The following CALM3 variants were observed in gnomAD, a reference collection of about 807,000 sequenced individuals.
CALM3 encodes calmodulin 3.
A neutral mutation model predicts 20.1 loss-of-function variants in CALM3; 5 were observed. The ratio of observed to expected loss-of-function variants is 0.25; its 90% confidence interval spans 0.13 to 0.52. CALM3 has a LOEUF of 0.52. Ranked by LOEUF, CALM3 falls within the 20% of genes least tolerant of loss-of-function variation. CALM3 has a pLI of 0.96. For missense variants in CALM3, 57 were observed against 192.8 expected, an observed-to-expected ratio of 0.30 and a Z score of 4.17; for synonymous variants, 69 against 68.1, an observed-to-expected ratio of 1.01 and a Z score of -0.06.
rs1040610642 is a variant in CALM3 at position 46,601,653 on chromosome 19, G to A, written c.3+216G>A. On this transcript the variant is annotated intron_variant, in intron 1 of 5. Coordinates refer to ENST00000291295, the MANE Select transcript of CALM3 (RefSeq NM_005184.4). The surrounding 1 kb of genome is among the most constrained non-coding windows in gnomAD (Gnocchi z 4.2). ...CAGAAGCGACTTTAGCACCAAATGG[G>A]ATGTTTAAGTCCACAAATGGGTATC... 1.3e-5 allele frequency among the ~76,000 whole-genome samples: 2 copies of A among 152,210 alleles called. No homozygotes were observed. Among genetic ancestry groups the A allele is most frequent in the African/African-American group, 4.8e-5 (2 of 41,456 alleles).
rs1323580191 is a variant in CALM3, at chr19:46,605,584, C to T, written c.4-243C>T. ...AGCCCGTGGGTCTGGGCAGCTTCAT[C>T]GGGCCGTGCGTCCAGCAGGCCTGAG... On this transcript the variant is annotated intron_variant, in intron 1 of 5. Coordinates refer to ENST00000291295, the MANE Select transcript of CALM3 (RefSeq NM_005184.4). This position sits in a 1 kb window ranked among gnomAD's most constrained non-coding sequence, Gnocchi z 4.1. Among the ~76,000 whole-genome samples the T allele has an allele frequency of 1.3e-5, 2 of 152,246 alleles. No individual in the cohort carries two copies. Among genetic ancestry groups the T allele is most frequent in the African/African-American group, 4.8e-5 (2 of 41,470 alleles).
chr19:46,602,173 G>A lies in CALM3; in HGVS notation c.3+736G>A, dbSNP rs190172960. ...GATACTCTTGAAGGCTTCCGGGACG[G>A]AGAAGGATCAGGGTCGTGGAGGTGG... is the stretch of plus-strand genomic sequence containing the variant. On this transcript the variant is annotated intron_variant, in intron 1 of 5. Transcript: ENST00000291295. 4 of 1,352,096 alleles carry A rather than the reference G, an allele frequency of 3.0e-6. No individual in the cohort carries two copies. In the East Asian group the frequency reaches 1.9e-4, roughly 63 times the overall value. 83.8% of individuals were successfully genotyped at this position (1,352,096 alleles called of 1,614,324 possible).
chr19:46,607,691 C>CGG (rs1331651104), intron 2 of CALM3, among the ~76,000 whole-genome samples: 1 of 152,222 alleles, frequency 6.6e-6, no homozygotes, highest in African/African-American at 2.4e-5. Flanking sequence ...CGGCAAGGAA[C>CGG]AGGGCTGCCA....
rs1192323446 is a variant in CALM3, at chr19:46,608,724, A to C, written c.286-122A>C. ...AGCCTCATTGCCAACCTGCTCTGCCACCTCAGGCAGCCTCCCTCACTGTGC... is the reference window on the plus strand; with the variant it reads ...AGCCTCATTGCCAACCTGCTCTGCCCCCTCAGGCAGCCTCCCTCACTGTGC... On this transcript the variant is annotated intron_variant, in intron 4 of 5. Coordinates refer to ENST00000291295, the MANE Select transcript of CALM3 (RefSeq NM_005184.4). This position sits in a 1 kb window ranked among gnomAD's most constrained non-coding sequence, Gnocchi z 5.5. The C allele has an allele frequency of 9.1e-6, 12 of 1,311,784 alleles. No individual in the cohort carries two copies. The highest frequency in any genetic ancestry group is 1.1e-5 in the Non-Finnish European group (10 of 949,752). 81.3% of individuals were successfully genotyped at this position (1,311,784 alleles called of 1,614,324 possible).
Position 46,608,101 on chromosome 19 carries a change from C to T in CALM3, c.35-96C>T. On this transcript the variant is annotated intron_variant, in intron 2 of 5. Transcript: ENST00000291295. This position sits in a 1 kb window ranked among gnomAD's most constrained non-coding sequence, Gnocchi z 5.5. ...TCAGTTTCTTTAGGTGGGACTGATG[C>T]CCTTGGCCTTCCTCCAGGGAAGGCA... 8.4e-7 allele frequency: 1 copy of T among 1,197,130 alleles called. No homozygotes were observed. The highest frequency in any genetic ancestry group is 2.0e-5 in the Admixed American group (1 of 49,856). 74.2% of individuals were successfully genotyped at this position (1,197,130 alleles called of 1,614,324 possible). A position where few individuals can be genotyped will look rare whatever the true frequency, so the allele number is the denominator to read the frequency against.
upstream of CALM3, chr19:46,601,075 C>T: frequency 1.6e-6 from 2 of 1,232,208 alleles, no homozygotes; most frequent in Non-Finnish European, 2.2e-6. The surrounding 1 kb of genome is among the most constrained non-coding windows in gnomAD (Gnocchi z 4.2). Context: ...GCGGGGCGCG[C>T]GGCGAGGGAA....
Position 46,610,750 on chromosome 19 carries a change from A to G in CALM3, c.*1597A>G, listed in dbSNP as rs1415987356. 6.6e-6 allele frequency: 1 copy of G among 152,342 alleles called. No individual in the cohort carries two copies. 9.4% of individuals were successfully genotyped at this position (152,342 alleles called of 1,614,324 possible). A position where few individuals can be genotyped will look rare whatever the true frequency, so the allele number is the denominator to read the frequency against. On this transcript the variant is annotated 3_prime_UTR_variant, in exon 6 of 6. Transcript: ENST00000291295. ...CAAGCTGTGAAGAAAAATATATATCAATGTTTTCCAATAAAATACAGTGAC... is the reference window on the plus strand; with the variant it reads ...CAAGCTGTGAAGAAAAATATATATCGATGTTTTCCAATAAAATACAGTGAC...
intron 1 of CALM3, among the ~76,000 whole-genome samples, chr19:46,603,719 A>G (rs906112870): frequency 6.6e-6 from 1 of 152,200 alleles, no homozygotes; most frequent in African/African-American, 2.4e-5. Context: ...CTGGGCGGCA[A>G]CCTTGCTTGA....
rs1007778611 is a variant in CALM3 at position 46,609,067 on chromosome 19, G to A, written c.422-58G>A. 4 of 1,612,844 alleles carry A rather than the reference G, an allele frequency of 2.5e-6. No individual in the cohort carries two copies. The Middle Eastern group carries it at 5.0e-4, about 200-fold the overall frequency. ...CCCCCAGATCCCTCTTGTTGGGGAG[G>A]GCCGCTCGCCACTTAGCCTGCCCGC... On this transcript the variant is annotated intron_variant, in intron 5 of 5. Transcript: ENST00000291295.
intron 5 of CALM3, 54 bp downstream of exon 5, chr19:46,609,035 G>GAAC: frequency 1.9e-6 from 3 of 1,610,320 alleles, no homozygotes; most frequent in Non-Finnish European, 2.5e-6. Flanking sequence ...GCAGCTTCAG[G>GAAC]AACAAGCCCC....
intron 1 of CALM3, among the ~76,000 whole-genome samples, chr19:46,604,531 G>A (rs1599755326): frequency 7.0e-6 from 1 of 143,642 alleles, no homozygotes; most frequent in Non-Finnish European, 1.5e-5. Flanking sequence ...GGGCTTGCAA[G>A]TTCTTCTTCC....
chr19:46,607,331 G>A (rs1174610806), intron 2 of CALM3, among the ~76,000 whole-genome samples: 1 of 152,102 alleles, frequency 6.6e-6, no homozygotes, highest in Non-Finnish European at 1.5e-5. Flanking sequence ...TTTTCACCCT[G>A]TCCCCATTAG....
intron 1 of CALM3, among the ~76,000 whole-genome samples, chr19:46,602,988 G>C (rs1971665564): frequency 6.6e-6 from 1 of 152,210 alleles, no homozygotes; most frequent in African/African-American, 2.4e-5. Flanking sequence ...CGGCCTGAGG[G>C]CCACTTGTTC....
rs761456118 is a variant in CALM3 at position 46,608,356 on chromosome 19, C to G, written c.178+16C>G. 3.7e-6 allele frequency: 6 copies of G among 1,613,370 alleles called. No homozygotes were observed. Among genetic ancestry groups the G allele is most frequent in the Non-Finnish European group, 5.1e-6 (6 of 1,179,580 alleles). On this transcript the variant is annotated intron_variant, in intron 3 of 5. Coordinates refer to ENST00000291295, the MANE Select transcript of CALM3 (RefSeq NM_005184.4). This position sits in a 1 kb window ranked among gnomAD's most constrained non-coding sequence, Gnocchi z 5.5. ...GATGCAGATGGTGAGCCCCACAGAG[C>G]GCGTGGGCAGCCCTGCTCCTGGTCA...
rs1971857870 is a variant in CALM3, at chr19:46,610,450, A to G, written c.*1297A>G. ...TTTTTTCCCCTTTTCTGTTCATTTC[A>G]TCTGGCTCCCCCCACCACCTCCCCA... On this transcript the variant is annotated 3_prime_UTR_variant, in exon 6 of 6. Transcript: ENST00000291295. 1 of 150,704 alleles carries G rather than the reference A, an allele frequency of 6.6e-6. No homozygotes were observed. Among genetic ancestry groups the G allele is most frequent in the African/African-American group, 2.4e-5 (1 of 40,846 alleles). The allele number at this position is 150,704 out of a possible 1,614,324, so 9.3% of individuals were successfully genotyped here. A position where few individuals can be genotyped will look rare whatever the true frequency, so the allele number is the denominator to read the frequency against.
chr19:46,601,100 G>T (rs1449531999), upstream of CALM3: 4 of 969,504 alleles, frequency 4.1e-6, no homozygotes, highest in Non-Finnish European at 6.0e-6. The surrounding 1 kb of genome is among the most constrained non-coding windows in gnomAD (Gnocchi z 4.2). Flanking sequence ...GTCCGGCGAC[G>T]GGAGCGAGCG....
chr19:46,609,215 C>T lies in CALM3; in HGVS notation c.*62C>T, dbSNP rs1460217874. 6.7e-7 allele frequency: 1 copy of T among 1,485,058 alleles called. No individual in the cohort carries two copies. The highest frequency in any genetic ancestry group is 1.2e-5 in the South Asian group (1 of 86,386). 92.0% of individuals were successfully genotyped at this position (1,485,058 alleles called of 1,614,324 possible). ...ATCTCTCTCTTCTCGCGCGCGCACT[C>T]TCTCTTCAACACTCCCCTGCGTACC... On this transcript the variant is annotated 3_prime_UTR_variant, in exon 6 of 6. Coordinates refer to ENST00000291295, the MANE Select transcript of CALM3 (RefSeq NM_005184.4).
At position 46,608,177 on chromosome 19, in the gene CALM3, C is replaced by T; in HGVS notation, c.35-20C>T. ...CCTGTGGACCTTGTGACCTCTGACT[C>T]CTCCCCCTTCTTCCCCCAGAGTTCA... On this transcript the variant is annotated intron_variant, in intron 2 of 5. Transcript: ENST00000291295. This position sits in a 1 kb window ranked among gnomAD's most constrained non-coding sequence, Gnocchi z 5.5. The T allele has an allele frequency of 1.2e-6, 2 of 1,610,576 alleles. No homozygotes were observed. The highest frequency in any genetic ancestry group is 8.5e-7 in the Non-Finnish European group (1 of 1,178,464).
chr19:46,605,698 C>T lies in CALM3; in HGVS notation c.4-129C>T. On this transcript the variant is annotated intron_variant, in intron 1 of 5. Coordinates refer to ENST00000291295, the MANE Select transcript of CALM3 (RefSeq NM_005184.4). The surrounding 1 kb of genome is among the most constrained non-coding windows in gnomAD (Gnocchi z 4.1). ...TGCCTCAGACCCTGACTCTGGCATG[C>T]TCCTCCCTGGCCCGGCGGGAATGGC... The T allele has an allele frequency of 2.5e-6, 2 of 812,156 alleles. No homozygotes were observed. Among genetic ancestry groups the T allele is most frequent in the Non-Finnish European group, 4.2e-6 (2 of 479,876 alleles). The allele number at this position is 812,156 out of a possible 1,614,324, so 50.3% of individuals were successfully genotyped here.
Sources: allele counts gnomAD v4.1 joint callset (sites outside exome capture counted in the v4.1 genomes callset), GRCh38; gene constraint gnomAD v4.1.1; non-coding constraint Gnocchi (gnomAD v3.1); transcripts MANE v1.5; gene names NCBI Gene and HGNC (gene_info 2026-07-23, HGNC 2026-07-21).